The following GAL3ST4 variants were observed in gnomAD, a reference collection of about 807,000 sequenced individuals.
GAL3ST4 encodes the protein beta-galactose-3-O-sulfotransferase 4.
GAL3ST4 carries 30 observed loss-of-function variants against 31.6 expected under a neutral mutation model. The observed-to-expected ratio is 0.95, with a 90% CI of 0.71 to 1.29. GAL3ST4 has a LOEUF of 1.29. GAL3ST4 is among the 50% of genes most tolerant of loss of function. GAL3ST4 has a pLI of 0.00. For missense variants in GAL3ST4, 629 were observed against 625.2 expected, an observed-to-expected ratio of 1.01 and a Z score of -0.06; for synonymous variants, 248 against 256.9, an observed-to-expected ratio of 0.97 and a Z score of 0.33.
intron 3 of GAL3ST4, among the ~76,000 whole-genome samples, chr7:100,161,921 AAC>A (rs1379415356): frequency 6.6e-6 from 1 of 152,076 alleles, no homozygotes; most frequent in African/African-American, 2.4e-5. Context: ...GAACAGTGAG[AAC>A]ACATGGACAC....
chr7:100,162,598 AGGAGG>A (rs1255766992), intron 3 of GAL3ST4, among the ~76,000 whole-genome samples: 36 of 71,642 alleles, frequency 5.0e-4, no homozygotes, highest in South Asian at 1.5e-3. Context: ...GGAAGGGAAG[AGGAGG>A]GGAGGGGAGG....
In GAL3ST4 at chr7:100,167,251, CCT is replaced by C. The variant is rs1250296373; in HGVS notation, c.-158_-157del. On this transcript the variant is annotated 5_prime_UTR_variant, in exon 2 of 4. Coordinates refer to ENST00000360039, the MANE Select transcript of GAL3ST4 (RefSeq NM_024637.5). ...CTCACAGTCTTGGTTGAGTCTGCCC[CCT>C]GAGTTAGCAGATTTTTGCCTCTGTC... is the stretch of plus-strand genomic sequence containing the variant. 6 of 1,475,352 alleles carry C rather than the reference CCT, an allele frequency of 4.1e-6. No individual in the cohort carries two copies. The South Asian group carries it at 4.1e-5, about 10-fold the overall frequency. The allele number at this position is 1,475,352 out of a possible 1,614,324, so 91.4% of individuals were successfully genotyped here. A position where few individuals can be genotyped will look rare whatever the true frequency, so the allele number is the denominator to read the frequency against.
chr7:100,160,278 C>T lies in GAL3ST4; in HGVS notation c.1111G>A (p.Val371Ile), dbSNP rs369836654. ...GCCCAGAGACTGCGGTTGAAGTGGACATAGAGAGCCCAGTCCAGGTTGTTC... is the reference window on the plus strand; with the variant it reads ...GCCCAGAGACTGCGGTTGAAGTGGATATAGAGAGCCCAGTCCAGGTTGTTC... ...AWNNLDWALY[V>I]HFNRSLWARI... The change falls in exon 4 of 4, where the codon GTC becomes ATC. Residue 371 changes from valine (V) to isoleucine (I), a missense_variant. Val to Ile is a conservative substitution (Grantham distance 29). Coordinates refer to ENST00000360039, the MANE Select transcript of GAL3ST4 (RefSeq NM_024637.5). The T allele has an allele frequency of 1.9e-6, 3 of 1,613,828 alleles. No individual in the cohort carries two copies. The African/African-American group carries it at 4.0e-5, about 22-fold the overall frequency.
intron 3 of GAL3ST4, among the ~76,000 whole-genome samples, chr7:100,165,022 C>T (rs1461252831): frequency 6.6e-6 from 1 of 150,982 alleles, no homozygotes; most frequent in African/African-American, 2.4e-5. Context: ...CTACGGGCAC[C>T]CACCACCATG....
chr7:100,162,436 T>G (rs1034788101), intron 3 of GAL3ST4, among the ~76,000 whole-genome samples: 1 of 149,770 alleles, frequency 6.7e-6, no homozygotes, highest in African/African-American at 2.5e-5. Context: ...TCCCAGCTAC[T>G]CAGGAGGCTG....
chr7:100,161,509 G>A (rs1338086545), intron 3 of GAL3ST4, among the ~76,000 whole-genome samples: 8 of 151,706 alleles, frequency 5.3e-5, no homozygotes, highest in Admixed American at 5.3e-4. Flanking sequence ...AAATTAGCCA[G>A]GTGTGATGGC....
chr7:100,165,068 G>A (rs1799052050), intron 3 of GAL3ST4, among the ~76,000 whole-genome samples: 1 of 151,860 alleles, frequency 6.6e-6, no homozygotes, highest in Non-Finnish European at 1.5e-5. Flanking sequence ...TAGAAACGGG[G>A]TTTCACTGTG....
In GAL3ST4 at chr7:100,167,183, G is replaced by A. The variant is rs1360031074; in HGVS notation, c.-88C>T. On this transcript the variant is annotated 5_prime_UTR_variant, in exon 2 of 4. Coordinates refer to ENST00000360039, the MANE Select transcript of GAL3ST4 (RefSeq NM_024637.5). ...CAGCTGGAGACAGCCGTGCAGCTGC[G>A]GAAGGCACTGGTTGGAGATCGGGGG... is the stretch of plus-strand genomic sequence containing the variant. 1.2e-5 allele frequency: 19 copies of A among 1,549,566 alleles called. No homozygotes were observed. Among genetic ancestry groups the A allele is most frequent in the East Asian group, 1.2e-4 (5 of 40,904 alleles).
chr7:100,163,470 ACTCT>A (rs1799032576), intron 3 of GAL3ST4, among the ~76,000 whole-genome samples: 1 of 142,184 alleles, frequency 7.0e-6, no homozygotes. Flanking sequence ...CAGCCTGTGA[ACTCT>A]CTTTTTTTTT....
At chr7:100,164,397 G>A (rs1170036131) in intron 3 of GAL3ST4, among the ~76,000 whole-genome samples, 2 of 152,152 alleles carry the variant, frequency 1.3e-5, no homozygotes, top group Admixed American at 6.6e-5. Context: ...GGGCACGGTG[G>A]CTGACACCTG....
intron 3 of GAL3ST4, among the ~76,000 whole-genome samples, chr7:100,161,923 C>T (rs538025467): frequency 3.3e-5 from 5 of 151,616 alleles, no homozygotes; most frequent in Non-Finnish European, 7.4e-5. Context: ...ACAGTGAGAA[C>T]ACATGGACAC....
At position 100,159,917 on chromosome 7, in the gene GAL3ST4, TA is replaced by T; in HGVS notation, c.*10del. 6.3e-7 allele frequency: 1 copy of T among 1,578,702 alleles called. No homozygotes were observed. Among genetic ancestry groups the T allele is most frequent in the Non-Finnish European group, 8.6e-7 (1 of 1,160,750 alleles). On this transcript the variant is annotated 3_prime_UTR_variant, in exon 4 of 4. Transcript: ENST00000360039. The stretch of plus-strand genomic sequence containing the variant: ...ATGGCTGCTCTTCCACCTAAATCTG[TA>T]GTCTGATGTTTATGGGGAGAGTGGC...
In GAL3ST4 at chr7:100,160,193, C is replaced by G; in HGVS notation, c.1196G>C (p.Arg399Pro). 1 of 1,614,108 alleles carries G rather than the reference C, an allele frequency of 6.2e-7. No individual in the cohort carries two copies. Among genetic ancestry groups the G allele is most frequent in the Non-Finnish European group, 8.5e-7 (1 of 1,180,008 alleles). ...ACAATGTTTCGCTAGGGCCTCTCGG[C>G]GAGCCCGGAGCTCGGCCACAGCTGT... ...LQTAVAELRA[R>P]REALAKHCLV... Residue 399 changes from arginine (R) to proline (P), a missense_variant, in exon 4 of 4, where the codon CGC (arginine) becomes CCC (proline). Transcript: ENST00000360039.
rs568168315 is a variant in GAL3ST4 at position 100,166,989 on chromosome 7, C to T, written c.107G>A (p.Gly36Glu). ...MTIGFALQLL[G>E]GPFQRRLPGL... ...AACTCACCTCCTCTGGAAGGGCCCT[C>T]CCAAGAGCTGGAGTGCAAAGCCAAT... The change falls in exon 2 of 4, where the codon GGA (glycine) becomes GAA (glutamate). Residue 36 changes from glycine (G) to glutamate (E), a missense_variant. Physicochemically the swap from Gly to Glu is moderately conservative, Grantham distance 98. Coordinates refer to ENST00000360039, the MANE Select transcript of GAL3ST4 (RefSeq NM_024637.5). 3.8e-6 allele frequency: 6 copies of T among 1,588,516 alleles called. No homozygotes were observed. The highest frequency in any genetic ancestry group is 5.1e-6 in the Non-Finnish European group (6 of 1,168,300).
Position 100,166,745 on chromosome 7 carries a change from G to C in GAL3ST4, c.186C>G (p.Ser62=), listed in dbSNP as rs763896723. The change falls in exon 3 of 4, where the codon TCC becomes TCG. Residue 62 remains serine, a synonymous_variant. Coordinates refer to ENST00000360039, the MANE Select transcript of GAL3ST4 (RefSeq NM_024637.5). ...SAPSLRPALP[S]CPPRQRLVFL... ...ACACCAGTCGCTGCCGGGGTGGGCA[G>C]GACGGAAGGGCTGGTCGTAGGGATG... 3 of 1,613,822 alleles carry C rather than the reference G, an allele frequency of 1.9e-6. No individual in the cohort carries two copies. The highest frequency in any genetic ancestry group is 3.3e-5 in the Admixed American group (2 of 60,002).
chr7:100,164,984 C>T (rs1799051043), intron 3 of GAL3ST4, among the ~76,000 whole-genome samples: 1 of 150,610 alleles, frequency 6.6e-6, no homozygotes, highest in African/African-American at 2.4e-5. Context: ...ATGCCATTTT[C>T]CTGCCTCAGC....
At position 100,167,217 on chromosome 7, in the gene GAL3ST4, C is replaced by T; in HGVS notation, c.-122G>A. On this transcript the variant is annotated 5_prime_UTR_variant, in exon 2 of 4. Transcript: ENST00000360039. ...TGGTTGGAGATCGGGGGGTCATTCC[C>T]CAGGCCTGCTCACAGTCTTGGTTGA... 3 of 1,537,208 alleles carry T rather than the reference C, an allele frequency of 2.0e-6. No homozygotes were observed. Among genetic ancestry groups the T allele is most frequent in the Non-Finnish European group, 2.6e-6 (3 of 1,139,910 alleles).
Position 100,168,039 on chromosome 7 carries a change from CAGAGAG to C in GAL3ST4, c.-189+501_-189+506del, listed in dbSNP as rs150040950. On this transcript the variant is annotated intron_variant, in intron 1 of 3. Coordinates refer to ENST00000360039, the MANE Select transcript of GAL3ST4 (RefSeq NM_024637.5). The surrounding 1 kb of genome is among the most constrained non-coding windows in gnomAD (Gnocchi z 4.1). ...ACACACACACACACACACAGAGAAA[CAGAGAG>C]AGAGAGACAGAGGGACAGAGAGACT... 3 of 150,092 alleles carry C rather than the reference CAGAGAG, an allele frequency of 2.0e-5. No individual in the cohort carries two copies. The highest frequency in any genetic ancestry group is 4.4e-5 in the Non-Finnish European group (3 of 67,500). The allele number at this position is 150,092 out of a possible 1,614,324, so 9.3% of individuals were successfully genotyped here. A position where few individuals can be genotyped will look rare whatever the true frequency, so the allele number is the denominator to read the frequency against.
chr7:100,166,576 A>G lies in GAL3ST4; in HGVS notation c.355T>C (p.Tyr119His), dbSNP rs1369605945. 5 of 1,614,082 alleles carry G rather than the reference A, an allele frequency of 3.1e-6. No homozygotes were observed. Among genetic ancestry groups the G allele is most frequent in the Non-Finnish European group, 4.2e-6 (5 of 1,180,038 alleles). ...TGGGTGCCTCCACCCTGTGGGCGGT[A>G]GCCTTTTACCCTAGAGGCCTGGAAG... ...KLFQASRVKGYRPQGGGTQLP... is the reference protein window; with the variant it reads ...KLFQASRVKGHRPQGGGTQLP... Residue 119 changes from tyrosine to histidine, a missense_variant, in exon 3 of 4, where the codon TAC (tyrosine) becomes CAC (histidine). By Grantham distance (83) the Tyr-to-His change is moderately conservative. Transcript: ENST00000360039.
Sources: gnomAD v4.1 joint callset for allele counts (sites outside exome capture counted in the v4.1 genomes callset) on GRCh38, gnomAD v4.1.1 for gene constraint, Gnocchi (gnomAD v3.1) non-coding constraint, MANE v1.5 for transcripts, NCBI Gene and HGNC (gene_info 2026-07-23, HGNC 2026-07-21) for gene names.